Variants in RPGRIP1L observed in about 807,000 individuals in gnomAD.
The protein encoded by RPGRIP1L is protein fantom.
Under a neutral mutation model 160.4 loss-of-function variants are expected in RPGRIP1L, and 131 were observed. The ratio of observed to expected loss-of-function variants is 0.82; its 90% CI spans 0.71 to 0.94. The LOEUF (loss-of-function observed/expected upper bound fraction) is 0.94. Among genes scored for constraint, RPGRIP1L ranks in the 40% least tolerant of loss-of-function variants. The pLI, the probability that RPGRIP1L is intolerant of heterozygous loss-of-function variation, is 0.00. For missense variants in RPGRIP1L, 1,522 were observed against 1,535.8 expected (o/e 0.99, Z 0.15); for synonymous variants, 510 against 515.8 (o/e 0.99, Z 0.15).
chr16:53,665,955 A>T (rs1968214963), intron 9 of RPGRIP1L, among the ~76,000 whole-genome samples: 2 of 152,168 alleles, frequency 1.3e-5, no homozygotes, highest in Admixed American at 1.3e-4. Flanking sequence ...CTTGATCTGA[A>T]TTTCAGCAGA....
At chr16:53,620,976 T>A (rs1248816721) in intron 23 of RPGRIP1L, among the ~76,000 whole-genome samples, 1 of 152,162 alleles carries the variant, frequency 6.6e-6, no homozygotes, top group African/African-American at 2.4e-5. Flanking sequence ...TAACATCTTA[T>A]ACAACATTTA....
At chr16:53,617,623 CCTTA>C (rs768327395) in intron 24 of RPGRIP1L, among the ~76,000 whole-genome samples, 1 of 152,086 alleles carries the variant, frequency 6.6e-6, no homozygotes, top group Non-Finnish European at 1.5e-5. Context: ...TTAGAAAGCA[CCTTA>C]CTTTTCAAAT....
rs546693437 is a variant in RPGRIP1L at position 53,618,714 on chromosome 16, T to C, written c.3616+311A>G. Among the ~76,000 whole-genome samples, 479 of 152,198 alleles carry C rather than the reference T, an allele frequency of 3.1e-3. 3 individuals are homozygous for C. The highest frequency in any genetic ancestry group is 5.6e-3 in the Non-Finnish European group (378 of 68,016). ...GCGCAACACCATGCCCGGCTAATTTTTGTATTTTTTTTTGTAGAGACGAGG... is the reference window on the plus strand; with the variant it reads ...GCGCAACACCATGCCCGGCTAATTTCTGTATTTTTTTTTGTAGAGACGAGG... On this transcript the variant is annotated intron_variant, in intron 24 of 26. Coordinates refer to ENST00000647211, the MANE Select transcript of RPGRIP1L (RefSeq NM_015272.5).
At chr16:53,636,799 A>T (rs1364699355) in intron 21 of RPGRIP1L, among the ~76,000 whole-genome samples, 1 of 152,162 alleles carries the variant, frequency 6.6e-6, no homozygotes, top group Non-Finnish European at 1.5e-5. Flanking sequence ...ACCATAGGGT[A>T]ATAGATGTTT....
At chr16:53,622,799 C>CACACACACA (rs1964820934) in intron 22 of RPGRIP1L, among the ~76,000 whole-genome samples, 1 of 135,810 alleles carries the variant, frequency 7.4e-6, no homozygotes, top group African/African-American at 2.9e-5. Flanking sequence ...AAAACAAAAA[C>CACACACACA]CACACACACA....
At chr16:53,686,345 CTAGA>C in intron 6 of RPGRIP1L, 84 bp downstream of exon 6, 2 of 1,334,918 alleles carry the variant, frequency 1.5e-6, no homozygotes, top group Non-Finnish European at 2.1e-6. Flanking sequence ...TTTAAATAGA[CTAGA>C]TAAACTTATC....
chr16:53,632,964 C>T (rs1446510962), intron 22 of RPGRIP1L, among the ~76,000 whole-genome samples: 2 of 152,252 alleles, frequency 1.3e-5, no homozygotes, highest in Middle Eastern at 3.4e-3. Flanking sequence ...AATTGTGTTT[C>T]CCCTACAGAC....
intron 10 of RPGRIP1L, 126 bp downstream of exon 10, chr16:53,664,744 T>C (rs1333990026): frequency 1.9e-6 from 2 of 1,061,422 alleles, no homozygotes; most frequent in East Asian, 2.4e-5. Flanking sequence ...AGTGGATGAC[T>C]GTGTCTGTCC....
At position 53,631,854 on chromosome 16, in the gene RPGRIP1L, C is replaced by A. The variant is rs892757943; in HGVS notation, c.3294+4585G>T. ...TTGCGCTATGTGGCACTTTGATGTC[C>A]GGGAAACGAAGAAAGATAGGGGCAA... On this transcript the variant is annotated intron_variant, in intron 22 of 26. Coordinates refer to ENST00000647211, the MANE Select transcript of RPGRIP1L (RefSeq NM_015272.5). Among the ~76,000 whole-genome samples the A allele has an allele frequency of 2.0e-5, 3 of 152,006 alleles. No individual in the cohort carries two copies. The East Asian group carries it at 5.8e-4, about 29-fold the overall frequency.
Position 53,598,864 on chromosome 16 carries a change from C to T in RPGRIP1L, c.*3212G>A, listed in dbSNP as rs1320551839. 6.6e-6 allele frequency: 1 copy of T among 152,126 alleles called. No homozygotes were observed. The highest frequency in any genetic ancestry group is 1.5e-5 in the Non-Finnish European group (1 of 68,016). 9.4% of individuals were successfully genotyped at this position (152,126 alleles called of 1,614,324 possible). A position where few individuals can be genotyped will look rare whatever the true frequency, so the allele number is the denominator to read the frequency against. ...TAATTTTTATCCCAAAATCTCTCTC[C>T]TGGTTGTTTTGTCCTACACAAAGAT... On this transcript the variant is annotated 3_prime_UTR_variant, in exon 27 of 27. Transcript: ENST00000647211.
intron 17 of RPGRIP1L, among the ~76,000 whole-genome samples, chr16:53,642,981 G>A (rs577989590): frequency 6.6e-6 from 1 of 152,296 alleles, no homozygotes; most frequent in African/African-American, 2.4e-5. Flanking sequence ...ATTTAAAAGG[G>A]AAATCCAAGG....
At chr16:53,635,065 T>C (rs189776017) in intron 22 of RPGRIP1L, among the ~76,000 whole-genome samples, 8 of 152,306 alleles carry the variant, frequency 5.3e-5, no homozygotes, top group Non-Finnish European at 1.2e-4. Context: ...ACAAATTATT[T>C]TCCCTTAGGT....
intron 2 of RPGRIP1L, among the ~76,000 whole-genome samples, chr16:53,698,164 G>A (rs1368644197): frequency 8.0e-5 from 12 of 149,902 alleles, no homozygotes; most frequent in South Asian, 4.3e-4. Context: ...CCCTCCGCCC[G>A]GCAGCCGCCC....
intron 7 of RPGRIP1L, among the ~76,000 whole-genome samples, chr16:53,674,285 G>A (rs1968973802): frequency 6.6e-6 from 1 of 152,048 alleles, no homozygotes; most frequent in Non-Finnish European, 1.5e-5. Flanking sequence ...CCTTGTCTCG[G>A]GACTTCAAAG....
At position 53,624,414 on chromosome 16, in the gene RPGRIP1L, G is replaced by A. The variant is rs1414959789; in HGVS notation, c.3295-2058C>T. ...AAAAATACAAAAAAATTAGCCGGGC[G>A]TGGTGGCACGCGCCTGGTACTCGGG... On this transcript the variant is annotated intron_variant, in intron 22 of 26. Transcript: ENST00000647211. 5.9e-5 allele frequency among the ~76,000 whole-genome samples: 9 copies of A among 151,954 alleles called. No homozygotes were observed. In the East Asian group the frequency reaches 9.7e-4, roughly 16 times the overall value.
chr16:53,604,122 T>C (rs117875528), intron 26 of RPGRIP1L, among the ~76,000 whole-genome samples: 2 of 152,362 alleles, frequency 1.3e-5, no homozygotes, highest in African/African-American at 2.4e-5. Flanking sequence ...AATCCTCTCA[T>C]CTTTTTCTCT....
Position 53,615,470 on chromosome 16 carries a change from A to ATTT in RPGRIP1L, c.3616+3554_3616+3555insAAA, listed in dbSNP as rs1436816285. On this transcript the variant is annotated intron_variant, in intron 24 of 26. Coordinates refer to ENST00000647211, the MANE Select transcript of RPGRIP1L (RefSeq NM_015272.5). ...TCTAAGAATATATATATATATATAT[A>ATTT]TATTTTTTTTTTTTTTTTTTTGAGA... 3.9e-3 allele frequency among the ~76,000 whole-genome samples: 333 copies of ATTT among 85,212 alleles called. 8 individuals are homozygous for ATTT. Among genetic ancestry groups the ATTT allele is most frequent in the African/African-American group, 0.013 (261 of 19,820 alleles). 55.9% of individuals were successfully genotyped at this position (85,212 alleles called of 152,430 possible).
intron 10 of RPGRIP1L, chr16:53,659,804 TG>T (rs1411746791): frequency 6.6e-6 from 1 of 152,236 alleles, no homozygotes; most frequent in East Asian, 1.9e-4. Flanking sequence ...CTGTTGAGCC[TG>T]GGGAGTTGAG....
intron 10 of RPGRIP1L, among the ~76,000 whole-genome samples, chr16:53,663,032 A>C (rs1245403623): frequency 6.6e-6 from 1 of 152,042 alleles, no homozygotes; most frequent in African/African-American, 2.4e-5. Context: ...AAAAAAGCAC[A>C]TTGTAAAACT....
Sources: allele counts gnomAD v4.1 joint callset (sites outside exome capture counted in the v4.1 genomes callset), GRCh38; gene constraint gnomAD v4.1.1; transcripts MANE v1.5; gene names NCBI Gene and HGNC (gene_info 2026-07-23, HGNC 2026-07-21).